The following IVD variants were observed in gnomAD, a reference collection of about 807,000 sequenced individuals.
IVD encodes isovaleryl-CoA dehydrogenase, mitochondrial.
A neutral mutation model predicts 51.3 loss-of-function variants in IVD; 31 were observed. The observed-to-expected ratio is 0.60, with a 90% CI of 0.45 to 0.81. The LOEUF (loss-of-function observed/expected upper bound fraction) is 0.81, where lower values mean the gene tolerates loss of function less well. Among genes scored for constraint, IVD ranks in the 40% least tolerant of loss-of-function variants. The pLI, the probability that IVD is intolerant of heterozygous loss-of-function variation, is 0.00. For missense variants in IVD, 475 were observed against 552.0 expected, an observed-to-expected ratio of 0.86 and a Z score of 1.40; for synonymous variants, 205 against 219.4, an observed-to-expected ratio of 0.93 and a Z score of 0.58.
Position 40,407,639 on chromosome 15 carries a change from C to A in IVD, c.148C>A (p.Arg50Ser). The A allele has an allele frequency of 1.2e-6, 2 of 1,613,664 alleles. No homozygotes were observed. The highest frequency in any genetic ancestry group is 1.1e-5 in the South Asian group (1 of 91,054). The change falls in exon 2 of 12, where the codon CGT (arginine) becomes AGT (serine). Residue 50 changes from arginine to serine, a missense_variant. Transcript: ENST00000487418. ...NGLSEEQRQL[R>S]QTMAKFLQEH... is the part of the protein sequence containing the mutation. ...CTGTTTACCTCTCTCCTATTAGCTT[C>A]GTCAGACCATGGCTAAGTTCCTTCA...
chr15:40,411,030 A>G (rs181740325), intron 4 of IVD, among the ~76,000 whole-genome samples: 107 of 152,390 alleles, frequency 7.0e-4, no homozygotes, highest in African/African-American at 2.6e-3. Context: ...AGAGAACTCT[A>G]AGAAATGGAA....
At chr15:40,412,813 C>T (rs1385744262) in intron 6 of IVD, 178 bp from the exon 7 acceptor site, 1 of 608,542 alleles carries the variant, frequency 1.6e-6, no homozygotes, top group African/African-American at 1.9e-5. Context: ...AGGCTGGGAT[C>T]AATCTGGGGC....
Position 40,421,015 on chromosome 15 carries a change from T to C in IVD, c.*2752T>C, listed in dbSNP as rs1892250854. The C allele has an allele frequency of 1.1e-5, 11 of 985,414 alleles. No individual in the cohort carries two copies. Among genetic ancestry groups the C allele is most frequent in the Non-Finnish European group, 1.2e-5 (10 of 829,976 alleles). The allele number at this position is 985,414 out of a possible 1,614,324, so 61.0% of individuals were successfully genotyped here. A position where few individuals can be genotyped will look rare whatever the true frequency, so the allele number is the denominator to read the frequency against. On this transcript the variant is annotated 3_prime_UTR_variant, in exon 12 of 12. Transcript: ENST00000487418. ...GAGGCTTGAGACAGGTGGGGTTGGC[T>C]CCTCACCAACCCCAGTTCCGTCCCA...
chr15:40,412,719 C>T (rs967509913), intron 6 of IVD: 9 of 448,684 alleles, frequency 2.0e-5, no homozygotes, highest in African/African-American at 8.0e-5. Context: ...CCAGGGGGGT[C>T]GGGAGGGCTC....
downstream of IVD, chr15:40,435,859 C>A: frequency 3.9e-6 from 1 of 259,682 alleles, no homozygotes; most frequent in Non-Finnish European, 6.0e-6. Flanking sequence ...CCGCACCTCA[C>A]CCCAGCCCCT....
chr15:40,417,305 C>T (rs1280031919), intron 11 of IVD, among the ~76,000 whole-genome samples: 4 of 149,334 alleles, frequency 2.7e-5, no homozygotes, highest in Non-Finnish European at 5.9e-5. Context: ...GTCAGGAGTT[C>T]GAGACCAGCC....
intron 8 of IVD, 52 bp from the exon 9 acceptor site, chr15:40,415,349 A>G (rs1891544298): frequency 6.8e-7 from 1 of 1,477,706 alleles, no homozygotes; most frequent in Non-Finnish European, 9.5e-7. Context: ...TTGCCACCAC[A>G]CCCGGTGGTG....
chr15:40,412,521 C>T (rs919985539), intron 6 of IVD: 1 of 212,072 alleles, frequency 4.7e-6, no homozygotes, highest in East Asian at 1.2e-4. Flanking sequence ...GCAGCATGTG[C>T]CAGCACTTTG....
chr15:40,425,625 A>G (rs560320276), downstream of IVD, among the ~76,000 whole-genome samples: 71 of 152,034 alleles, frequency 4.7e-4, no homozygotes, highest in African/African-American at 1.6e-3. Context: ...GGCTCAAGCC[A>G]TCTTCCTGCC....
rs918665140 is a variant in IVD at position 40,435,213 on chromosome 15, C to G, written c.781-204C>G. Among the ~76,000 whole-genome samples, 35 of 152,174 alleles carry G rather than the reference C, an allele frequency of 2.3e-4. 1 individual carries two copies. The highest frequency in any genetic ancestry group is 3.2e-3 in the Middle Eastern group (1 of 316). On this transcript the variant is annotated intron_variant, in intron 8 of 8. Transcript: ENST00000473112. The stretch of plus-strand genomic sequence containing the variant: ...AGCACCTGGAGGGTGAAGCGAAGCT[C>G]GTCCCCATGTTTGTCTTTCTTGTTG...
chr15:40,435,804 C>A, downstream of IVD: 1 of 682,422 alleles, frequency 1.5e-6, no homozygotes, highest in Non-Finnish European at 1.8e-6. Flanking sequence ...AGAGTGCCTG[C>A]TCCTTCAGGC....
intron 3 of IVD, among the ~76,000 whole-genome samples, chr15:40,408,995 T>C (rs1226783400): frequency 6.6e-6 from 1 of 152,110 alleles, no homozygotes; most frequent in Non-Finnish European, 1.5e-5. Context: ...ACTCTGGGCA[T>C]GAGAGTATGA....
intron 7 of IVD, 196 bp downstream of exon 7, chr15:40,413,283 CT>C: frequency 7.8e-6 from 5 of 637,166 alleles, no homozygotes; most frequent in Admixed American, 2.2e-5. Context: ...GCATGCCTAA[CT>C]GGCATCACAC....
downstream of IVD, among the ~76,000 whole-genome samples, chr15:40,425,727 C>T (rs899964339): frequency 1.3e-5 from 2 of 151,864 alleles, no homozygotes; most frequent in Non-Finnish European, 2.9e-5. Context: ...TTCATCATGT[C>T]GCCCAGGCTG....
chr15:40,422,457 G>C (rs1892378516), downstream of IVD, among the ~76,000 whole-genome samples: 2 of 151,120 alleles, frequency 1.3e-5, no homozygotes, highest in Admixed American at 1.3e-4. Flanking sequence ...CTAATTTTTT[G>C]TATTTTTAGT....
downstream of IVD, among the ~76,000 whole-genome samples, chr15:40,425,151 A>G (rs1892594375): frequency 6.6e-6 from 1 of 152,222 alleles, no homozygotes; most frequent in East Asian, 1.9e-4. Flanking sequence ...AGAGCCACAC[A>G]GCCTTTGTGT....
downstream of IVD, among the ~76,000 whole-genome samples, chr15:40,423,586 C>T (rs543321355): frequency 2.6e-5 from 4 of 152,224 alleles, no homozygotes; most frequent in Admixed American, 2.0e-4. Context: ...CTCAGCCTCC[C>T]GAGTAGCTGG....
chr15:40,411,748 A>C, intron 6 of IVD, 57 bp downstream of exon 6: 1 of 1,585,788 alleles, frequency 6.3e-7, no homozygotes, highest in South Asian at 1.1e-5. Flanking sequence ...GTGGTACCAG[A>C]GATAGCCCGT....
Position 40,420,772 on chromosome 15 carries a change from A to G in IVD, c.*2509A>G. On this transcript the variant is annotated 3_prime_UTR_variant, in exon 12 of 12. Transcript: ENST00000487418. ...AAGGTCAAAACGAACTAGAATCCAGATCTGCTCATGGCAAAAATGGGGGTG... is the reference window on the plus strand; with the variant it reads ...AAGGTCAAAACGAACTAGAATCCAGGTCTGCTCATGGCAAAAATGGGGGTG... The G allele has an allele frequency of 1.0e-6, 1 of 985,692 alleles. No homozygotes were observed. Among genetic ancestry groups the G allele is most frequent in the Non-Finnish European group, 1.2e-6 (1 of 830,128 alleles). The allele number at this position is 985,692 out of a possible 1,614,324, so 61.1% of individuals were successfully genotyped here.
Sources: gnomAD v4.1 joint callset for allele counts (sites outside exome capture counted in the v4.1 genomes callset) on GRCh38, gnomAD v4.1.1 for gene constraint, MANE v1.5 for transcripts, NCBI Gene and HGNC (gene_info 2026-07-23, HGNC 2026-07-21) for gene names.